The following DPH3 variants were observed in gnomAD, a reference collection of about 807,000 sequenced individuals.
The protein encoded by DPH3 is diphthamide biosynthesis protein 3.
DPH3 carries 8 observed loss-of-function variants against 10.2 expected under a neutral mutation model. That is an observed-to-expected ratio of 0.79 (90% CI 0.46 to 1.42). DPH3 has a LOEUF of 1.42. DPH3 is among the 40% of genes most tolerant of loss of function. DPH3 has a pLI of 0.00. For missense variants in DPH3, 96 were observed against 98.9 expected (o/e 0.97, Z 0.12); for synonymous variants, 35 against 35.6 (o/e 0.98, Z 0.06).
intron 2 of DPH3, 145 bp downstream of exon 2, chr3:16,264,010 A>G (rs779321898): frequency 1.4e-5 from 6 of 427,722 alleles, no homozygotes; most frequent in Non-Finnish European, 2.5e-5. Context: ...CTGTTTATCA[A>G]TGGTGTTTAA....
At position 16,263,005 on chromosome 3, in the gene DPH3, T is replaced by C. The variant is rs1434015530; in HGVS notation, c.183+1150A>G. 6.6e-6 allele frequency among the ~76,000 whole-genome samples: 1 copy of C among 152,200 alleles called. No homozygotes were observed. Among genetic ancestry groups the C allele is most frequent in the African/African-American group, 2.4e-5 (1 of 41,452 alleles). ...TATTACACTGGTTTTCCTGTTTCTA[T>C]GCTTGCTCTCTATAGGCTACTCTGA... On this transcript the variant is annotated intron_variant, in intron 2 of 2. Transcript: ENST00000488423. This position sits in a 1 kb window ranked among gnomAD's most constrained non-coding sequence, Gnocchi z 4.0.
rs1380062201 is a variant in DPH3 at position 16,259,379 on chromosome 3, A to G, written c.*1385T>C. The stretch of plus-strand genomic sequence containing the variant: ...TGCTGGCAGGTAAAAAAGGCTACTC[A>G]CTTGTTTTAACGTCCAATGAATGTG... On this transcript the variant is annotated 3_prime_UTR_variant, in exon 3 of 3. Transcript: ENST00000488423. 1 of 152,222 alleles carries G rather than the reference A, an allele frequency of 6.6e-6. No homozygotes were observed. Among genetic ancestry groups the G allele is most frequent in the African/African-American group, 2.4e-5 (1 of 41,454 alleles). 9.4% of individuals were successfully genotyped at this position (152,222 alleles called of 1,614,324 possible). A position where few individuals can be genotyped will look rare whatever the true frequency, so the allele number is the denominator to read the frequency against.
intron 1 of DPH3, chr3:16,264,447 C>A: frequency 1.8e-6 from 1 of 547,264 alleles, no homozygotes; most frequent in Non-Finnish European, 3.2e-6. Flanking sequence ...GCTTCGGTCG[C>A]CCCAAAAGCC....
In DPH3 at chr3:16,260,820, C is replaced by A; in HGVS notation, c.193G>T (p.Val65Leu). 1 of 1,613,824 alleles carries A rather than the reference C, an allele frequency of 6.2e-7. No individual in the cohort carries two copies. Among genetic ancestry groups the A allele is most frequent in the Non-Finnish European group, 8.5e-7 (1 of 1,179,780 alleles). The change falls in exon 3 of 3, where the codon GTG (valine) becomes TTG (leucine). Residue 65 changes from valine (V) to leucine (L), a missense_variant. Val to Leu is a conservative substitution (Grantham distance 32, BLOSUM62 1). Coordinates refer to ENST00000488423, the MANE Select transcript of DPH3 (RefSeq NM_206831.3). ...GGGGCTGGGACTGTTTCTCCACACA[C>A]AAACTGATCCTAAGACAGAGTGAGA... ...IKVIYDKDQF[V>L]CGETVPAPSA...
rs766116346 is a variant in DPH3 at position 16,262,657 on chromosome 3, T to C, written c.183+1498A>G. 1.6e-4 allele frequency among the ~76,000 whole-genome samples: 24 copies of C among 152,180 alleles called. No individual in the cohort carries two copies. The highest frequency in any genetic ancestry group is 3.1e-4 in the Non-Finnish European group (21 of 68,024). ...GTTACTGATAACTCCCAAATTGACATTGCTAGCCAATCTCTCTCATGAACG... is the reference window on the plus strand; with the variant it reads ...GTTACTGATAACTCCCAAATTGACACTGCTAGCCAATCTCTCTCATGAACG... On this transcript the variant is annotated intron_variant, in intron 2 of 2. Coordinates refer to ENST00000488423, the MANE Select transcript of DPH3 (RefSeq NM_206831.3). This position sits in a 1 kb window ranked among gnomAD's most constrained non-coding sequence, Gnocchi z 4.7.
intron 1 of DPH3, 139 bp from the exon 2 acceptor site, chr3:16,264,368 G>A: frequency 1.7e-6 from 1 of 571,646 alleles, no homozygotes; most frequent in Non-Finnish European, 3.0e-6. Context: ...AGGGCCTTCA[G>A]CGAGAAATGC....
At chr3:16,264,478 C>T (rs1293012400) in intron 1 of DPH3, 8 of 553,936 alleles carry the variant, frequency 1.4e-5, no homozygotes, top group African/African-American at 9.4e-5. Flanking sequence ...AAAAACGAGT[C>T]CCCTCCTCGA....
Position 16,259,024 on chromosome 3 carries a change from G to A in DPH3, c.*1740C>T, listed in dbSNP as rs2064273297. On this transcript the variant is annotated 3_prime_UTR_variant, in exon 3 of 3. Coordinates refer to ENST00000488423, the MANE Select transcript of DPH3 (RefSeq NM_206831.3). ...TTCTTAGCAAACCCACATCAAGGGT[G>A]TCTGTTCGTGTTTGAAACTCATCAG... The A allele has an allele frequency of 6.6e-6, 1 of 152,214 alleles. No homozygotes were observed. The highest frequency in any genetic ancestry group is 6.5e-5 in the Admixed American group (1 of 15,284). 9.4% of individuals were successfully genotyped at this position (152,214 alleles called of 1,614,324 possible). A position where few individuals can be genotyped will look rare whatever the true frequency, so the allele number is the denominator to read the frequency against.
In DPH3 at chr3:16,260,842, G is replaced by T. The variant is rs2064288110; in HGVS notation, c.184-13C>A. 6.2e-7 allele frequency: 1 copy of T among 1,610,902 alleles called. No homozygotes were observed. Among genetic ancestry groups the T allele is most frequent in the African/African-American group, 1.3e-5 (1 of 74,990 alleles). On this transcript the variant is annotated splice_polypyrimidine_tract_variant and intron_variant, in intron 2 of 2. Coordinates refer to ENST00000488423, the MANE Select transcript of DPH3 (RefSeq NM_206831.3). ...ACACAAACTGATCCTAAGACAGAGTGAGAAATGACATTAACCAATGAATTT... is the reference window on the plus strand; with the variant it reads ...ACACAAACTGATCCTAAGACAGAGTTAGAAATGACATTAACCAATGAATTT...
rs988884941 is a variant in DPH3 at position 16,257,440 on chromosome 3, G to A, written c.*3324C>T. On this transcript the variant is annotated 3_prime_UTR_variant, in exon 3 of 3. Coordinates refer to ENST00000488423, the MANE Select transcript of DPH3 (RefSeq NM_206831.3). ...CACTAAGTTTCCAAATGTAGAAACC[G>A]AATCTTCTTCCCCTAGTGCCTAGCA... Among the ~76,000 whole-genome samples the A allele has an allele frequency of 2.6e-5, 4 of 152,180 alleles. No homozygotes were observed. Among genetic ancestry groups the A allele is most frequent in the African/African-American group, 7.2e-5 (3 of 41,450 alleles).
Position 16,261,178 on chromosome 3 carries a change from T to C in DPH3, c.184-349A>G, listed in dbSNP as rs2064291297. On this transcript the variant is annotated intron_variant, in intron 2 of 2. Coordinates refer to ENST00000488423, the MANE Select transcript of DPH3 (RefSeq NM_206831.3). This position sits in a 1 kb window ranked among gnomAD's most constrained non-coding sequence, Gnocchi z 7.1. ...CACTAAAACTTCTCCACTTTAATATTTGGTCATTCAAATACCAGTCCTCTT... is the reference window on the plus strand; with the variant it reads ...CACTAAAACTTCTCCACTTTAATATCTGGTCATTCAAATACCAGTCCTCTT... Among the ~76,000 whole-genome samples the C allele has an allele frequency of 6.6e-6, 1 of 152,240 alleles. No homozygotes were observed. Among genetic ancestry groups the C allele is most frequent in the African/African-American group, 2.4e-5 (1 of 41,460 alleles).
chr3:16,258,539 C>G lies in DPH3; in HGVS notation c.*2225G>C, dbSNP rs536474826. 6 of 152,240 alleles carry G rather than the reference C, an allele frequency of 3.9e-5. No homozygotes were observed. The highest frequency in any genetic ancestry group is 8.8e-5 in the Non-Finnish European group (6 of 68,068). 9.4% of individuals were successfully genotyped at this position (152,240 alleles called of 1,614,324 possible). A position where few individuals can be genotyped will look rare whatever the true frequency, so the allele number is the denominator to read the frequency against. ...TCTTGCCCTGTCACACAGGCTGGAA[C>G]GCAGTGGTGTGATCACAGCTCACCA... On this transcript the variant is annotated 3_prime_UTR_variant, in exon 3 of 3. Transcript: ENST00000488423.
At position 16,261,964 on chromosome 3, in the gene DPH3, A is replaced by C. The variant is rs1160315770; in HGVS notation, c.184-1135T>G. Among the ~76,000 whole-genome samples, 1 of 149,498 alleles carries C rather than the reference A, an allele frequency of 6.7e-6. No homozygotes were observed. Among genetic ancestry groups the C allele is most frequent in the Non-Finnish European group, 1.5e-5 (1 of 67,136 alleles). ...GGACCTCCACCATATTCATCCTACC[A>C]CCCTTTCACTGCCCCTCACTCCCTT... On this transcript the variant is annotated intron_variant, in intron 2 of 2. Coordinates refer to ENST00000488423, the MANE Select transcript of DPH3 (RefSeq NM_206831.3). The surrounding 1 kb of genome is among the most constrained non-coding windows in gnomAD (Gnocchi z 7.1).
At chr3:16,264,663 G>A (rs1032828083) in intron 1 of DPH3, 106 bp downstream of exon 1, 2 of 1,088,232 alleles carry the variant, frequency 1.8e-6, no homozygotes, top group African/African-American at 1.6e-5. Flanking sequence ...ACGGGAAAGA[G>A]GGCGTGGGTG....
rs1450362891 is a variant in DPH3, at chr3:16,264,820, C to T, written c.57G>A (p.Ser19=). 6.2e-7 allele frequency: 1 copy of T among 1,614,084 alleles called. No homozygotes were observed. The highest frequency in any genetic ancestry group is 1.3e-5 in the African/African-American group (1 of 74,940). The change falls in exon 1 of 3, where the codon TCG becomes TCA. Residue 19 remains serine (S), a synonymous_variant. Transcript: ENST00000488423. ...ATGGGCAGGGATAGAAATACGTCTC[C>T]GAGTCCTCGTCATATTGGAAGTCCT... ...EIEDFQYDED[S]ETYFYPCPCG...
Position 16,263,659 on chromosome 3 carries a change from T to C in DPH3, c.183+496A>G, listed in dbSNP as rs2124934691. 6.7e-6 allele frequency among the ~76,000 whole-genome samples: 1 copy of C among 150,014 alleles called. No homozygotes were observed. The highest frequency in any genetic ancestry group is 2.0e-4 in the East Asian group (1 of 5,100). On this transcript the variant is annotated intron_variant, in intron 2 of 2. Coordinates refer to ENST00000488423, the MANE Select transcript of DPH3 (RefSeq NM_206831.3). The surrounding 1 kb of genome is among the most constrained non-coding windows in gnomAD (Gnocchi z 4.0). ...GTGGGCAGTAATAACATTTTTTTTT[T>C]CTATTGTCAACATCCTTGGGTGAAA...
In DPH3 at chr3:16,257,288, G is replaced by T. The variant is rs903907775; in HGVS notation, c.*3476C>A. 1.3e-5 allele frequency among the ~76,000 whole-genome samples: 2 copies of T among 152,176 alleles called. No homozygotes were observed. Among genetic ancestry groups the T allele is most frequent in the East Asian group, 3.9e-4 (2 of 5,192 alleles). Reference sequence around the variant, plus strand: ...TTTCCTTCTCATCCTTCAGGTCTTAGAAAAAGTGCCAGAGCTCAGACTCCC... The same window carrying T: ...TTTCCTTCTCATCCTTCAGGTCTTATAAAAAGTGCCAGAGCTCAGACTCCC... On this transcript the variant is annotated 3_prime_UTR_variant, in exon 3 of 3. Transcript: ENST00000488423.
At chr3:16,260,987 C>T (rs2064290340) in intron 2 of DPH3, among the ~76,000 whole-genome samples, 158 bp from the exon 3 acceptor site, 1 of 152,202 alleles carries the variant, frequency 6.6e-6, no homozygotes, top group East Asian at 1.9e-4. Flanking sequence ...ATGACAGCAC[C>T]AGAAGTAGAA....
rs2064272352 is a variant in DPH3 at position 16,258,803 on chromosome 3, AC to A, written c.*1960del. ...GGATTCAATCTTGATGTGTTCTCCT[AC>A]AGTTCACAAACTTAGTGACTCAATT... is the stretch of plus-strand genomic sequence containing the variant. On this transcript the variant is annotated 3_prime_UTR_variant, in exon 3 of 3. Transcript: ENST00000488423. 1 of 152,206 alleles carries A rather than the reference AC, an allele frequency of 6.6e-6. No individual in the cohort carries two copies. The highest frequency in any genetic ancestry group is 6.5e-5 in the Admixed American group (1 of 15,280). The allele number at this position is 152,206 out of a possible 1,614,324, so 9.4% of individuals were successfully genotyped here.
Sources: allele counts gnomAD v4.1 joint callset (sites outside exome capture counted in the v4.1 genomes callset), GRCh38; gene constraint gnomAD v4.1.1; non-coding constraint Gnocchi (gnomAD v3.1); transcripts MANE v1.5; gene names NCBI Gene and HGNC (gene_info 2026-07-23, HGNC 2026-07-21).